LRRTM4: variants seen among roughly 807,000 people sequenced by gnomAD.
The protein encoded by LRRTM4 is leucine-rich repeat transmembrane neuronal protein 4.
In LRRTM4, 25 loss-of-function variants were observed where a neutral mutation model predicts 47.6. The ratio of observed to expected loss-of-function variants is 0.53; its 90% CI spans 0.38 to 0.73. The LOEUF is 0.73. Among genes scored for constraint, LRRTM4 ranks in the 30% least tolerant of loss-of-function variants. The pLI is 0.00. For synonymous variants in LRRTM4, 311 were observed against 269.5 expected (o/e 1.15, Z -1.51); for missense variants, 638 against 713.4 (o/e 0.89, Z 1.20).
intron 3 of LRRTM4, among the ~76,000 whole-genome samples, chr2:77,348,990 T>C (rs1671666206): frequency 6.6e-6 from 1 of 151,838 alleles, no homozygotes; most frequent in Non-Finnish European, 1.5e-5. Context: ...TGACAGCAAA[T>C]ATGATTATAA....
intron 3 of LRRTM4, among the ~76,000 whole-genome samples, chr2:76,892,838 G>A (rs929039591): frequency 6.6e-6 from 1 of 151,578 alleles, no homozygotes; most frequent in Non-Finnish European, 1.5e-5. Context: ...TCAAGGACTA[G>A]TGCTCCTCAA....
At chr2:76,954,486 T>C (rs1219724829) in intron 3 of LRRTM4, among the ~76,000 whole-genome samples, 1 of 150,430 alleles carries the variant, frequency 6.6e-6, no homozygotes, top group Admixed American at 6.7e-5. Context: ...CATTTGAAAT[T>C]ATCCAGCCTG....
chr2:77,058,051 G>C (rs1347623636), intron 3 of LRRTM4, among the ~76,000 whole-genome samples: 1 of 151,994 alleles, frequency 6.6e-6, no homozygotes, highest in Non-Finnish European at 1.5e-5. Context: ...GATTTTTCAT[G>C]GGCCTCTGTT....
chr2:76,799,005 C>T (rs6754689), intron 3 of LRRTM4, among the ~76,000 whole-genome samples: 17 of 148,890 alleles, frequency 1.1e-4, no homozygotes, highest in South Asian at 8.7e-4. Context: ...GATTCACAGC[C>T]GAATTCTACC....
chr2:77,494,451 C>A (rs1332399140), intron 3 of LRRTM4, among the ~76,000 whole-genome samples: 1 of 151,788 alleles, frequency 6.6e-6, no homozygotes, highest in Non-Finnish European at 1.5e-5. Flanking sequence ...CAATCCAGTT[C>A]CCCAACATTT....
intron 3 of LRRTM4, among the ~76,000 whole-genome samples, chr2:77,323,594 G>C (rs1670638992): frequency 6.6e-6 from 1 of 152,092 alleles, no homozygotes; most frequent in Non-Finnish European, 1.5e-5. Flanking sequence ...AAAAGGCATT[G>C]TGCTAAATGG....
intron 3 of LRRTM4, among the ~76,000 whole-genome samples, chr2:77,153,115 T>C (rs1226575086): frequency 6.6e-6 from 1 of 152,216 alleles, no homozygotes; most frequent in Non-Finnish European, 1.5e-5. Flanking sequence ...TTTCCTCTGC[T>C]GTCCATTCTG....
intron 3 of LRRTM4, among the ~76,000 whole-genome samples, chr2:77,442,004 A>C (rs1675860351): frequency 6.6e-6 from 1 of 152,190 alleles, no homozygotes; most frequent in Non-Finnish European, 1.5e-5. Context: ...CAATGCAAGC[A>C]ATGAAGCAAA....
intron 3 of LRRTM4, among the ~76,000 whole-genome samples, chr2:77,400,727 C>T (rs553966927): frequency 1.3e-5 from 2 of 151,920 alleles, no homozygotes; most frequent in Non-Finnish European, 2.9e-5. Flanking sequence ...TTTGCTCTCT[C>T]CTCTTAACAC....
intron 3 of LRRTM4, among the ~76,000 whole-genome samples, chr2:77,406,132 G>C (rs1002587320): frequency 6.6e-6 from 1 of 152,052 alleles, no homozygotes; most frequent in Admixed American, 6.6e-5. Flanking sequence ...TCTTTCAGTG[G>C]TGGTAGTGGG....
At chr2:76,812,891 C>G (rs1040093995) in intron 3 of LRRTM4, among the ~76,000 whole-genome samples, 1 of 150,144 alleles carries the variant, frequency 6.7e-6, no homozygotes, top group East Asian at 2.0e-4. Flanking sequence ...AGTGGCCACA[C>G]TGAATTTATA....
intron 3 of LRRTM4, among the ~76,000 whole-genome samples, chr2:76,817,451 G>C (rs569276518): frequency 2.2e-4 from 33 of 152,060 alleles, no homozygotes; most frequent in African/African-American, 7.5e-4. Context: ...GAACATTTTC[G>C]AGTTATGAGG....
intron 3 of LRRTM4, among the ~76,000 whole-genome samples, chr2:76,990,986 C>T (rs1021979659): frequency 2.6e-5 from 4 of 151,696 alleles, no homozygotes; most frequent in South Asian, 2.1e-4. Context: ...AAATCAATAA[C>T]AAGAAGATCT....
At chr2:77,207,956 G>T (rs13419764) in intron 3 of LRRTM4, among the ~76,000 whole-genome samples, 5,580 of 129,766 alleles carry the variant, frequency 0.043, 377 homozygotes, top group African/African-American at 0.15. Context: ...TTGGCTCCCT[G>T]CAACCTCTGC....
At chr2:77,277,975 T>C (rs571400965) in intron 3 of LRRTM4, among the ~76,000 whole-genome samples, 144 of 152,116 alleles carry the variant, frequency 9.5e-4, no homozygotes, top group African/African-American at 3.3e-3. Flanking sequence ...CTTGAGTTTC[T>C]CTCTGTCTCT....
At chr2:77,450,273 T>G (rs763594970) in intron 3 of LRRTM4, among the ~76,000 whole-genome samples, 6 of 151,388 alleles carry the variant, frequency 4.0e-5, no homozygotes, top group Non-Finnish European at 7.4e-5. Context: ...TCTCTCTCTC[T>G]CTCTCTGTCA....
At chr2:77,461,308 A>G (rs1431082633) in intron 3 of LRRTM4, among the ~76,000 whole-genome samples, 6 of 152,116 alleles carry the variant, frequency 3.9e-5, no homozygotes, top group Non-Finnish European at 8.8e-5. Flanking sequence ...GTTATTGTAC[A>G]TACCCTCAAA....
intron 3 of LRRTM4, among the ~76,000 whole-genome samples, chr2:76,907,619 G>A (rs1275066927): frequency 7.7e-6 from 1 of 130,328 alleles, no homozygotes; most frequent in East Asian, 2.7e-4. Flanking sequence ...GAAAAAAAGA[G>A]AGAAGAATCA....
At chr2:77,445,801 C>T (rs1676029220) in intron 3 of LRRTM4, among the ~76,000 whole-genome samples, 1 of 152,056 alleles carries the variant, frequency 6.6e-6, no homozygotes, top group Non-Finnish European at 1.5e-5. Flanking sequence ...GGGTGTTTAA[C>T]TTCTCAATTT....
Sources: allele counts gnomAD v4.1 joint callset (sites outside exome capture counted in the v4.1 genomes callset), GRCh38; gene constraint gnomAD v4.1.1; transcripts MANE v1.5; gene names NCBI Gene and HGNC (gene_info 2026-07-23, HGNC 2026-07-21).